Variants in CACNA1E observed in about 807,000 individuals in gnomAD.
CACNA1E encodes the protein voltage-dependent R-type calcium channel subunit alpha-1E.
CACNA1E carries 40 observed loss-of-function variants against 259.2 expected under a neutral mutation model. That is an observed-to-expected ratio of 0.15 (90% CI 0.12 to 0.20). CACNA1E has a LOEUF of 0.20. Among genes scored for constraint, CACNA1E ranks in the 10% least tolerant of loss-of-function variants. CACNA1E has a pLI of 1.00. For missense variants in CACNA1E, 1,874 were observed against 3,040.1 expected, an observed-to-expected ratio of 0.62 and a Z score of 9.02; for synonymous variants, 1,104 against 1,138.5, an observed-to-expected ratio of 0.97 and a Z score of 0.61.
intron 2 of CACNA1E, among the ~76,000 whole-genome samples, chr1:181,466,593 C>A (rs187890130): frequency 1.9e-4 from 29 of 151,896 alleles, no homozygotes; most frequent in African/African-American, 7.0e-4. Context: ...CAAAACAAAA[C>A]AAAACACATA....
rs557311806 is a variant in CACNA1E at position 181,442,043 on chromosome 1, C to T, written c.434+28463C>T. On this transcript the variant is annotated intron_variant, in intron 2 of 11. Coordinates refer to the CACNA1E transcript ENST00000524607. Reference sequence around the variant, plus strand: ...CAATCACAGTATTTTATAGCCCACACGGACCTTGGACTCTGGCATGCCATG... The same window carrying T: ...CAATCACAGTATTTTATAGCCCACATGGACCTTGGACTCTGGCATGCCATG... Among the ~76,000 whole-genome samples the T allele has an allele frequency of 8.9e-4, 136 of 152,286 alleles. 1 individual carries two copies. The highest frequency in any genetic ancestry group is 3.0e-3 in the African/African-American group (126 of 41,534).
chr1:181,750,770 G>A (rs898001381), intron 26 of CACNA1E, among the ~76,000 whole-genome samples: 3 of 152,174 alleles, frequency 2.0e-5, no homozygotes, highest in Non-Finnish European at 4.4e-5. Context: ...GTCTCTGGAT[G>A]CTAAAGACCA....
intron 6 of CACNA1E, among the ~76,000 whole-genome samples, chr1:181,610,125 A>AT (rs1654617469): frequency 6.6e-6 from 1 of 152,202 alleles, no homozygotes; most frequent in African/African-American, 2.4e-5. Context: ...TGTAAAAGCC[A>AT]TGACAGTTTG....
chr1:181,534,969 G>A (rs1270786906), intron 3 of CACNA1E, among the ~76,000 whole-genome samples: 1 of 151,878 alleles, frequency 6.6e-6, no homozygotes, highest in Non-Finnish European at 1.5e-5. Flanking sequence ...GGTGGCAAAA[G>A]GTGTTCTAGA....
intron 1 of CACNA1E, 36 bp downstream of exon 1, chr1:181,484,046 C>T: frequency 3.1e-6 from 5 of 1,593,320 alleles, no homozygotes; most frequent in Non-Finnish European, 4.3e-6. Flanking sequence ...CCCTCTCCCC[C>T]TTTGCATTTC....
intron 7 of CACNA1E, among the ~76,000 whole-genome samples, chr1:181,667,206 T>A (rs1648319504): frequency 6.6e-6 from 1 of 152,110 alleles, no homozygotes; most frequent in African/African-American, 2.4e-5. Context: ...GTAATAAAGC[T>A]CTAGTTCCAG....
chr1:181,765,920 T>C (rs1355645228), intron 34 of CACNA1E, among the ~76,000 whole-genome samples: 3 of 152,210 alleles, frequency 2.0e-5, no homozygotes, highest in African/African-American at 7.2e-5. Flanking sequence ...AGTATGGAAT[T>C]TTGTGCCACA....
intron 1 of CACNA1E, among the ~76,000 whole-genome samples, chr1:181,360,160 A>G (rs980211201): frequency 6.6e-6 from 1 of 152,236 alleles, no homozygotes; most frequent in East Asian, 1.9e-4. Flanking sequence ...GAAAAGAGTT[A>G]AACATAGGGT....
At chr1:181,512,784 T>G (rs781471358) in intron 3 of CACNA1E, among the ~76,000 whole-genome samples, 43 of 152,240 alleles carry the variant, frequency 2.8e-4, no homozygotes, top group Non-Finnish European at 5.7e-4. Flanking sequence ...TAAAAATATC[T>G]GTTGCCTTAC....
In CACNA1E at chr1:181,732,543, G is replaced by T. The variant is rs371465144; in HGVS notation, c.2457G>T (p.Pro819=). 3 of 1,549,918 alleles carry T rather than the reference G, an allele frequency of 1.9e-6. No homozygotes were observed. The highest frequency in any genetic ancestry group is 2.6e-6 in the Non-Finnish European group (3 of 1,146,142). ...NPLNPLSSLN[P]LNAHPSLYRR... ...TCAACCCGCTCAGCTCCCTCAACCC[G>T]CTCAATGCCCACCCCAGCCTTTATC... Residue 819 remains proline (P), a synonymous_variant, in exon 20 of 48, where the codon CCG becomes CCT. Coordinates refer to ENST00000367573, the MANE Select transcript of CACNA1E (RefSeq NM_001205293.3). The surrounding 1 kb of genome is among the most constrained non-coding windows in gnomAD (Gnocchi z 5.5).
intron 1 of CACNA1E, among the ~76,000 whole-genome samples, chr1:181,367,000 G>C (rs1654320633): frequency 6.6e-6 from 1 of 152,080 alleles, no homozygotes; most frequent in South Asian, 2.1e-4. Flanking sequence ...TGTGTCTGTG[G>C]TGAAGGAGGC....
intron 5 of CACNA1E, 133 bp downstream of exon 5, chr1:181,579,357 G>A (rs1651291314): frequency 1.4e-6 from 1 of 719,498 alleles, no homozygotes; most frequent in Admixed American, 2.6e-5. Context: ...GAAGCTTCTA[G>A]TCAGCAGCCT....
chr1:181,492,702 G>C (rs773633685), intron 1 of CACNA1E, among the ~76,000 whole-genome samples: 2 of 152,142 alleles, frequency 1.3e-5, no homozygotes, highest in Non-Finnish European at 2.9e-5. Flanking sequence ...ATTTCCAAGA[G>C]AGCTTTCAAT....
chr1:181,680,277 G>A (rs1649818657), intron 7 of CACNA1E, among the ~76,000 whole-genome samples: 1 of 152,108 alleles, frequency 6.6e-6, no homozygotes, highest in African/African-American at 2.4e-5. Flanking sequence ...GCAGAGAATG[G>A]GCTGTTAGTG....
At chr1:181,791,892 G>T (rs902494396) in intron 44 of CACNA1E, among the ~76,000 whole-genome samples, 1 of 152,162 alleles carries the variant, frequency 6.6e-6, no homozygotes, top group Non-Finnish European at 1.5e-5. Flanking sequence ...CCCACAGAGG[G>T]CGAAAAACAC....
chr1:181,512,686 T>C (rs908942397), intron 3 of CACNA1E, among the ~76,000 whole-genome samples: 10 of 152,224 alleles, frequency 6.6e-5, no homozygotes, highest in African/African-American at 2.4e-4. Context: ...GAAGATGTAA[T>C]GGACTGGAAT....
chr1:181,793,592 A>G, intron 44 of CACNA1E, 73 bp from the exon 45 acceptor site: 1 of 1,528,244 alleles, frequency 6.5e-7, no homozygotes. Flanking sequence ...GAGGAGGCTG[A>G]ATTGTCCACT....
At chr1:181,710,604 T>TGCCC (rs1474250752) in intron 7 of CACNA1E, among the ~76,000 whole-genome samples, 1 of 152,234 alleles carries the variant, frequency 6.6e-6, no homozygotes, top group African/African-American at 2.4e-5. Context: ...AGAGTAGCTG[T>TGCCC]GCCCTTCAGA....
intron 8 of CACNA1E, among the ~76,000 whole-genome samples, chr1:181,712,082 C>T (rs981653164): frequency 1.3e-5 from 2 of 152,164 alleles, no homozygotes; most frequent in African/African-American, 2.4e-5. Context: ...TGTGACTCAA[C>T]ATTAGGAATA....
Sources: gnomAD v4.1 joint callset for allele counts (sites outside exome capture counted in the v4.1 genomes callset) on GRCh38, gnomAD v4.1.1 for gene constraint, Gnocchi (gnomAD v3.1) non-coding constraint, MANE v1.5 for transcripts, NCBI Gene and HGNC (gene_info 2026-07-23, HGNC 2026-07-21) for gene names.